ZFPM1: variants seen among roughly 807,000 people sequenced by gnomAD.
ZFPM1 encodes the protein zinc finger protein ZFPM1.
A neutral mutation model predicts 46.3 loss-of-function variants in ZFPM1; 28 were observed. The observed-to-expected ratio is 0.60, with a 90% CI of 0.45 to 0.83. ZFPM1 has a LOEUF of 0.83. Ranked by LOEUF, ZFPM1 falls within the 40% of genes least tolerant of loss-of-function variation. The pLI is 0.00. For synonymous variants in ZFPM1, 957 were observed against 675.9 expected (o/e 1.42, Z -6.45); for missense variants, 1,878 against 1,432.4 (o/e 1.31, Z -5.02).
At chr16:88,526,711 C>T in intron 4 of ZFPM1, 103 bp from the exon 5 acceptor site, 1 of 1,285,036 alleles carries the variant, frequency 7.8e-7, no homozygotes, top group Non-Finnish European at 1.1e-6. Context: ...ACCAGCCAAG[C>T]CGGGAGGCAG....
At position 88,471,651 on chromosome 16, in the gene ZFPM1, T is replaced by A. The variant is rs1371251023; in HGVS notation, c.41-14288T>A. 6.6e-6 allele frequency among the ~76,000 whole-genome samples: 1 copy of A among 152,092 alleles called. No individual in the cohort carries two copies. The highest frequency in any genetic ancestry group is 1.5e-5 in the Non-Finnish European group (1 of 68,012). On this transcript the variant is annotated intron_variant, in intron 1 of 9. Coordinates refer to ENST00000319555, the MANE Select transcript of ZFPM1 (RefSeq NM_153813.3). The surrounding 1 kb of genome is among the most constrained non-coding windows in gnomAD (Gnocchi z 4.1). ...CAGAGGTGGGGTCAGGGCCCCAAGATGACCGTGGCCGCGGTGGCTCCCACA... is the reference window on the plus strand; with the variant it reads ...CAGAGGTGGGGTCAGGGCCCCAAGAAGACCGTGGCCGCGGTGGCTCCCACA...
chr16:88,467,463 C>G (rs1434384326), intron 1 of ZFPM1, among the ~76,000 whole-genome samples: 2 of 152,216 alleles, frequency 1.3e-5, no homozygotes, highest in African/African-American at 4.8e-5. Flanking sequence ...AGCACCCGCC[C>G]CAGTGACACT....
At chr16:88,529,779 G>A (rs951401887) in intron 6 of ZFPM1, among the ~76,000 whole-genome samples, 1 of 152,350 alleles carries the variant, frequency 6.6e-6, no homozygotes. Flanking sequence ...GACCCTGACC[G>A]AGGCCGCTCC....
chr16:88,532,508 G>T (rs1912869982), intron 7 of ZFPM1, 106 bp from the exon 8 acceptor site: 5 of 1,213,910 alleles, frequency 4.1e-6, no homozygotes, highest in South Asian at 2.9e-5. Flanking sequence ...TTCAGCACAG[G>T]GTCCCCCGGC....
intron 3 of ZFPM1, among the ~76,000 whole-genome samples, chr16:88,505,146 G>C (rs1318134947): frequency 1.3e-5 from 2 of 152,208 alleles, no homozygotes; most frequent in Non-Finnish European, 2.9e-5. Flanking sequence ...GCAGCACCTG[G>C]GGCCGGCCCT....
chr16:88,508,459 G>A (rs772811140), intron 3 of ZFPM1, among the ~76,000 whole-genome samples: 11 of 152,342 alleles, frequency 7.2e-5, no homozygotes, highest in Middle Eastern at 3.4e-3. Flanking sequence ...AGAGGCTTCC[G>A]TGGCTGCAGA....
Position 88,504,968 on chromosome 16 carries a change from A to G in ZFPM1, c.269-9419A>G, listed in dbSNP as rs1188787381. Among the ~76,000 whole-genome samples, 10 of 152,208 alleles carry G rather than the reference A, an allele frequency of 6.6e-5. No individual in the cohort carries two copies. The East Asian group carries it at 1.7e-3, about 27-fold the overall frequency. ...TGGGCCCCACCCTGCCCTCCTTGCT[A>G]TTCCCAGGCGGTCCCAGCTCTGCCA... On this transcript the variant is annotated intron_variant, in intron 3 of 9. Coordinates refer to ENST00000319555, the MANE Select transcript of ZFPM1 (RefSeq NM_153813.3).
At chr16:88,460,897 G>GCA (rs1907790460) in intron 1 of ZFPM1, among the ~76,000 whole-genome samples, 1 of 145,066 alleles carries the variant, frequency 6.9e-6, no homozygotes, top group Admixed American at 6.8e-5. Context: ...ACTGAGGGAT[G>GCA]GGAGGCCTGG....
chr16:88,522,364 GCAGCCT>G (rs781151842), intron 4 of ZFPM1, among the ~76,000 whole-genome samples: 8 of 152,176 alleles, frequency 5.3e-5, no homozygotes, highest in Admixed American at 1.3e-4. Flanking sequence ...TGGGGCCTCA[GCAGCCT>G]CAGCCTCAGC....
chr16:88,474,198 G>A (rs1041579195), intron 1 of ZFPM1, among the ~76,000 whole-genome samples: 2 of 152,228 alleles, frequency 1.3e-5, no homozygotes, highest in South Asian at 2.1e-4. Context: ...CTCCTCCTCC[G>A]CCTCCCTTTC....
intron 1 of ZFPM1, among the ~76,000 whole-genome samples, chr16:88,473,002 G>A (rs920497729): frequency 2.6e-5 from 4 of 152,268 alleles, no homozygotes; most frequent in African/African-American, 9.6e-5. Context: ...CAGGACGAGG[G>A]GCCAGCTGGG....
Position 88,534,325 on chromosome 16 carries a change from C to A in ZFPM1, c.2367C>A (p.Pro789=). ...TCGCCCCTGCGCGCTCGCCCGGCCC[C>A]GCGGCCGACGGCCCCATCGACCTGA... The part of the protein sequence containing the change: ...PGLAPARSPG[P]AADGPIDLSK... Residue 789 remains proline, a synonymous_variant, in exon 10 of 10, where the codon CCC becomes CCA. Coordinates refer to ENST00000319555, the MANE Select transcript of ZFPM1 (RefSeq NM_153813.3). 1.5e-6 allele frequency: 2 copies of A among 1,343,768 alleles called. No homozygotes were observed. The highest frequency in any genetic ancestry group is 1.9e-6 in the Non-Finnish European group (2 of 1,047,632). The allele number at this position is 1,343,768 out of a possible 1,614,324, so 83.2% of individuals were successfully genotyped here.
At chr16:88,503,087 C>G (rs1035188790) in intron 3 of ZFPM1, among the ~76,000 whole-genome samples, 8 of 152,250 alleles carry the variant, frequency 5.3e-5, no homozygotes, top group African/African-American at 1.9e-4. Flanking sequence ...CACGGCGCCC[C>G]TGGGACAGGA....
At chr16:88,463,266 T>A (rs1907982053) in intron 1 of ZFPM1, among the ~76,000 whole-genome samples, 1 of 152,212 alleles carries the variant, frequency 6.6e-6, no homozygotes, top group African/African-American at 2.4e-5. Context: ...GCATCTATCC[T>A]GGACATCCTC....
intron 3 of ZFPM1, among the ~76,000 whole-genome samples, chr16:88,490,984 C>T (rs1370834755): frequency 6.6e-6 from 1 of 152,100 alleles, no homozygotes; most frequent in Non-Finnish European, 1.5e-5. Context: ...CCAGGACACA[C>T]CTGTCGGGGG....
intron 1 of ZFPM1, among the ~76,000 whole-genome samples, chr16:88,473,873 C>A (rs1908541915): frequency 6.6e-6 from 1 of 152,310 alleles, no homozygotes; most frequent in East Asian, 1.9e-4. Flanking sequence ...GGCCTCGCCA[C>A]CCCCACCCAC....
rs1357345755 is a variant in ZFPM1, at chr16:88,528,046, T to A, written c.520T>A (p.Cys174Ser). The A allele has an allele frequency of 1.3e-6, 2 of 1,549,604 alleles. No homozygotes were observed. Among genetic ancestry groups the A allele is most frequent in the Non-Finnish European group, 1.7e-6 (2 of 1,145,624 alleles). The change falls in exon 6 of 10, where the codon TGC becomes AGC. Residue 174 changes from cysteine to serine, a missense_variant. Cys to Ser is a moderately radical substitution (Grantham distance 112). Coordinates refer to ENST00000319555, the MANE Select transcript of ZFPM1 (RefSeq NM_153813.3). ...TCTCCCTCCAGATGACGCACTCTGG[T>A]GCAGGGTCACCAAGCCGGTGCCTGC... ...EIHRKDDALW[C>S]RVTKPVPAGG...
intron 1 of ZFPM1, among the ~76,000 whole-genome samples, chr16:88,455,493 G>C (rs1907504953): frequency 6.6e-6 from 1 of 152,112 alleles, no homozygotes; most frequent in African/African-American, 2.4e-5. Context: ...AGATGCGAAG[G>C]CTGATTGTCA....
intron 1 of ZFPM1, among the ~76,000 whole-genome samples, chr16:88,476,175 G>T (rs1458043018): frequency 6.6e-6 from 1 of 151,966 alleles, no homozygotes; most frequent in East Asian, 1.9e-4. Context: ...ACCCACCCCA[G>T]GGTGAGCAGG....
Sources: allele counts gnomAD v4.1 joint callset (sites outside exome capture counted in the v4.1 genomes callset), GRCh38; gene constraint gnomAD v4.1.1; non-coding constraint Gnocchi (gnomAD v3.1); transcripts MANE v1.5; gene names NCBI Gene and HGNC (gene_info 2026-07-23, HGNC 2026-07-21).